Variants in NCALD observed in about 807,000 individuals in gnomAD.
NCALD encodes neurocalcin-delta.
NCALD carries 10 observed loss-of-function variants against 18.6 expected under a neutral mutation model. That is an observed-to-expected ratio of 0.54 (90% confidence interval 0.33 to 0.91). The LOEUF (loss-of-function observed/expected upper bound fraction) is 0.91, where lower values mean the gene tolerates loss of function less well. NCALD is among the 40% of genes least tolerant of loss of function. The pLI is 0.03. For synonymous variants in NCALD, 88 were observed against 87.4 expected (o/e 1.01, Z -0.04); for missense variants, 184 against 247.6 (o/e 0.74, Z 1.72).
chr8:101,976,283 G>T (rs1423594514), intron 2 of NCALD, among the ~76,000 whole-genome samples: 1 of 152,132 alleles, frequency 6.6e-6, no homozygotes, highest in Non-Finnish European at 1.5e-5. Flanking sequence ...CCATTTGAGA[G>T]TGCCTGCCAC....
At chr8:101,818,485 T>C (rs1169551684) in intron 4 of NCALD, among the ~76,000 whole-genome samples, 2 of 152,188 alleles carry the variant, frequency 1.3e-5, no homozygotes, top group African/African-American at 4.8e-5. Flanking sequence ...TGACACTCAA[T>C]TCCAGAACAT....
intron 1 of NCALD, among the ~76,000 whole-genome samples, chr8:101,738,552 CAAAA>C (rs34205453): frequency 0.081 from 10,404 of 127,824 alleles, 485 homozygotes; most frequent in African/African-American, 0.18. Flanking sequence ...CTCAAAAAAA[CAAAA>C]AAAAAAAAAA....
chr8:101,783,761 G>C (rs1413199804), intron 1 of NCALD, among the ~76,000 whole-genome samples: 1 of 152,228 alleles, frequency 6.6e-6, no homozygotes, highest in Non-Finnish European at 1.5e-5. Context: ...ATGCAGTCTG[G>C]CCTCAGTGTA....
intron 2 of NCALD, among the ~76,000 whole-genome samples, chr8:101,705,433 T>G (rs1383237836): frequency 6.6e-6 from 1 of 151,962 alleles, no homozygotes; most frequent in Non-Finnish European, 1.5e-5. Flanking sequence ...AGAAACATGT[T>G]GTGAAGATCG....
At chr8:102,102,628 C>A (rs1331972096) in intron 1 of NCALD, among the ~76,000 whole-genome samples, 1 of 152,212 alleles carries the variant, frequency 6.6e-6, no homozygotes, top group African/African-American at 2.4e-5. Flanking sequence ...CCCCCAGCCC[C>A]GCTCCACTGC....
At position 101,733,856 on chromosome 8, in the gene NCALD, T is replaced by G. The variant is rs529942953; in HGVS notation, c.-19-14208A>C. Among the ~76,000 whole-genome samples, 94 of 152,354 alleles carry G rather than the reference T, an allele frequency of 6.2e-4. 3 individuals carry two copies. The South Asian group carries it at 0.019, about 31-fold the overall frequency. ...TGAGGGTTTTCCTGCATGGAAATCC[T>G]TATTCTAACCTGAAATTAAGCAAAG... is the stretch of plus-strand genomic sequence containing the variant. On this transcript the variant is annotated intron_variant, in intron 1 of 3. Transcript: ENST00000220931.
At chr8:101,976,740 G>T (rs1260287920) in intron 2 of NCALD, among the ~76,000 whole-genome samples, 1 of 152,056 alleles carries the variant, frequency 6.6e-6, no homozygotes, top group Non-Finnish European at 1.5e-5. Context: ...CAGGCACTTG[G>T]TCAGACCCAG....
intron 1 of NCALD, among the ~76,000 whole-genome samples, chr8:101,773,198 A>G (rs755234405): frequency 2.6e-5 from 4 of 152,076 alleles, no homozygotes; most frequent in Non-Finnish European, 5.9e-5. Flanking sequence ...CTACCAACTC[A>G]TCTTCAAGAA....
chr8:101,915,790 A>C (rs1409214611), intron 3 of NCALD: 1 of 152,198 alleles, frequency 6.6e-6, no homozygotes, highest in Non-Finnish European at 1.5e-5. Flanking sequence ...TAAGAAGAAC[A>C]TTTTAAATAT....
At chr8:101,984,704 G>A (rs1258400892) in intron 2 of NCALD, among the ~76,000 whole-genome samples, 1 of 152,210 alleles carries the variant, frequency 6.6e-6, no homozygotes, top group Non-Finnish European at 1.5e-5. Flanking sequence ...TTTGAAGCAA[G>A]CGGAGTACAG....
At chr8:102,011,977 T>C (rs1447552645) in intron 2 of NCALD, among the ~76,000 whole-genome samples, 1 of 152,100 alleles carries the variant, frequency 6.6e-6, no homozygotes, top group Admixed American at 6.5e-5. Flanking sequence ...AAGGCAAATA[T>C]CAAAGGAATC....
intron 1 of NCALD, among the ~76,000 whole-genome samples, chr8:102,035,667 C>T (rs773753328): frequency 2.0e-5 from 3 of 152,100 alleles, no homozygotes; most frequent in Non-Finnish European, 2.9e-5. Context: ...CTGACAGTTT[C>T]TCATTAGGTA....
At chr8:102,106,466 T>TATACAC (rs1554598545) in intron 1 of NCALD, among the ~76,000 whole-genome samples, 35 of 139,104 alleles carry the variant, frequency 2.5e-4, no homozygotes, top group East Asian at 1.2e-3. Context: ...TATATATATA[T>TATACAC]ACACACACAC....
intron 4 of NCALD, among the ~76,000 whole-genome samples, chr8:101,796,667 G>A (rs531418779): frequency 5.3e-5 from 8 of 152,216 alleles, no homozygotes; most frequent in Non-Finnish European, 8.8e-5. Flanking sequence ...ACAGAAAAAT[G>A]TAAGAGACAT....
intron 1 of NCALD, among the ~76,000 whole-genome samples, chr8:102,035,346 C>G (rs970199207): frequency 6.6e-6 from 1 of 152,148 alleles, no homozygotes. Flanking sequence ...CAGAACAGAA[C>G]ACATTCCCTC....
At chr8:101,966,819 T>G (rs1277762581) in intron 2 of NCALD, among the ~76,000 whole-genome samples, 1 of 152,154 alleles carries the variant, frequency 6.6e-6, no homozygotes, top group East Asian at 1.9e-4. Flanking sequence ...CACAGCATTA[T>G]TTTTAATGAT....
intron 3 of NCALD, chr8:101,915,732 T>A (rs565078181): frequency 1.3e-5 from 2 of 152,174 alleles, no homozygotes; most frequent in Non-Finnish European, 2.9e-5. Context: ...TGAACAGAAC[T>A]GTCTCTTGTG....
In NCALD at chr8:101,740,489, T is replaced by G. The variant is rs568143433; in HGVS notation, c.-19-20841A>C. ...TGGAGGAGAACACAGATCTCTGTACTCCTTCCACTCTGCAGGGTATCTCAT... is the reference window on the plus strand; with the variant it reads ...TGGAGGAGAACACAGATCTCTGTACGCCTTCCACTCTGCAGGGTATCTCAT... On this transcript the variant is annotated intron_variant, in intron 1 of 3. Transcript: ENST00000220931. Among the ~76,000 whole-genome samples, 5 of 152,350 alleles carry G rather than the reference T, an allele frequency of 3.3e-5. No homozygotes were observed. In the South Asian group the frequency reaches 1.0e-3, roughly 32 times the overall value.
intron 1 of NCALD, among the ~76,000 whole-genome samples, chr8:102,102,181 T>C (rs139649704): frequency 4.1e-4 from 62 of 152,366 alleles, no homozygotes; most frequent in African/African-American, 1.4e-3. Flanking sequence ...CAAATGTATA[T>C]TGAGCACCTT....
Sources: allele counts gnomAD v4.1 joint callset (sites outside exome capture counted in the v4.1 genomes callset), GRCh38; gene constraint gnomAD v4.1.1; transcripts MANE v1.5; gene names NCBI Gene and HGNC (gene_info 2026-07-23, HGNC 2026-07-21).